Variants in AP4E1 observed in about 807,000 individuals in gnomAD.
AP4E1 encodes the protein AP-4 complex subunit epsilon-1.
A neutral mutation model predicts 128.2 loss-of-function variants in AP4E1; 56 were observed. That is an observed-to-expected ratio of 0.44 (90% CI 0.35 to 0.55). The LOEUF is 0.55. Ranked by LOEUF, AP4E1 falls within the 20% of genes least tolerant of loss-of-function variation. The pLI is 0.00. For missense variants in AP4E1, 1,324 were observed against 1,307.7 expected (o/e 1.01, Z -0.19); for synonymous variants, 484 against 473.1 (o/e 1.02, Z -0.30).
At chr15:50,987,842 T>C (rs1295578812) in intron 16 of AP4E1, among the ~76,000 whole-genome samples, 2 of 152,192 alleles carry the variant, frequency 1.3e-5, no homozygotes, top group Non-Finnish European at 2.9e-5. Flanking sequence ...GGTTTCTATT[T>C]ATTGCTCTTA....
At chr15:50,966,573 G>A (rs1364673471) in intron 14 of AP4E1, among the ~76,000 whole-genome samples, 1 of 88,520 alleles carries the variant, frequency 1.1e-5, no homozygotes, top group Non-Finnish European at 2.0e-5. Flanking sequence ...TTTCACTCTT[G>A]TCACCCAGGC....
chr15:50,952,555 C>G (rs2064166321), intron 13 of AP4E1, among the ~76,000 whole-genome samples: 1 of 151,982 alleles, frequency 6.6e-6, no homozygotes, highest in East Asian at 1.9e-4. Context: ...TTAATATCAC[C>G]TGCTATACTG....
chr15:50,915,768 G>A (rs2063623156), intron 3 of AP4E1, 197 bp downstream of exon 3: 1 of 633,668 alleles, frequency 1.6e-6, no homozygotes, highest in Non-Finnish European at 2.6e-6. Flanking sequence ...GCATTTTGGA[G>A]TTAAAGAGAA....
chr15:51,000,954 G>A, intron 19 of AP4E1, 72 bp from the exon 20 acceptor site: 1 of 1,142,008 alleles, frequency 8.8e-7, no homozygotes, highest in Non-Finnish European at 1.3e-6. Context: ...TTCTCATGAG[G>A]CATTTGAAAT....
intron 15 of AP4E1, among the ~76,000 whole-genome samples, chr15:50,977,079 A>C (rs570130071): frequency 4.5e-4 from 69 of 152,332 alleles, no homozygotes; most frequent in African/African-American, 1.7e-3. Flanking sequence ...GGGAAAAAGT[A>C]AACTTTTGAA....
intron 14 of AP4E1, among the ~76,000 whole-genome samples, 172 bp downstream of exon 14, chr15:50,958,966 CT>C (rs1269872587): frequency 1.3e-5 from 2 of 152,162 alleles, no homozygotes; most frequent in Admixed American, 6.5e-5. Flanking sequence ...GCTCCCAGCA[CT>C]TTGGGAGGCT....
chr15:50,907,640 C>A (rs1325081650), upstream of AP4E1, among the ~76,000 whole-genome samples: 1 of 152,104 alleles, frequency 6.6e-6, no homozygotes, highest in Non-Finnish European at 1.5e-5. Flanking sequence ...TTCTAGAAAA[C>A]ACAAGGATAC....
intron 15 of AP4E1, among the ~76,000 whole-genome samples, chr15:50,975,635 T>A (rs1303767211): frequency 1.3e-5 from 2 of 152,248 alleles, no homozygotes; most frequent in African/African-American, 4.8e-5. Flanking sequence ...CTGGGCTCTC[T>A]GTTCTGTCTC....
At chr15:50,908,650 C>A (rs1305103166), upstream of AP4E1, 4 of 1,185,136 alleles carry the variant, frequency 3.4e-6, no homozygotes, top group African/African-American at 6.6e-5. Context: ...TCAGGTGGGA[C>A]GCCAATAAAG....
Position 50,925,237 on chromosome 15 carries a change from G to A in AP4E1, c.542+18G>A. The A allele has an allele frequency of 6.2e-7, 1 of 1,608,856 alleles. No homozygotes were observed. Among genetic ancestry groups the A allele is most frequent in the East Asian group, 2.2e-5 (1 of 44,772 alleles). ...CATTCTAAGTAAGTAAATTCTTTTG[G>A]GATAGGCATCTATGCCATATATTTC... On this transcript the variant is annotated intron_variant, in intron 5 of 20. Transcript: ENST00000261842.
intron 14 of AP4E1, among the ~76,000 whole-genome samples, chr15:50,961,424 T>A (rs554514247): frequency 1.2e-3 from 179 of 151,998 alleles, no homozygotes; most frequent in Admixed American, 1.9e-3. Context: ...CAAGTGGAAT[T>A]TTCCCAGAAA....
intron 8 of AP4E1, among the ~76,000 whole-genome samples, chr15:50,937,150 A>G (rs2063918297): frequency 6.6e-6 from 1 of 152,200 alleles, no homozygotes; most frequent in African/African-American, 2.4e-5. Flanking sequence ...TTTGCTAGCA[A>G]TCCTGATATA....
At chr15:50,965,133 G>A (rs182895918) in intron 14 of AP4E1, among the ~76,000 whole-genome samples, 18 of 152,184 alleles carry the variant, frequency 1.2e-4, no homozygotes, top group Admixed American at 3.3e-4. Context: ...CTGCAGATCC[G>A]CGAGTCAATG....
At chr15:50,914,506 A>T (rs2063604198) in intron 2 of AP4E1, among the ~76,000 whole-genome samples, 1 of 151,910 alleles carries the variant, frequency 6.6e-6, no homozygotes. Context: ...CAAAAATTAG[A>T]TGGGCGTGGT....
intron 11 of AP4E1, 65 bp downstream of exon 11, chr15:50,948,224 G>A (rs2064090305): frequency 1.9e-6 from 3 of 1,579,552 alleles, no homozygotes; most frequent in African/African-American, 1.3e-5. Context: ...AAGATGATTG[G>A]TATAGATATG....
chr15:50,945,139 C>T (rs748101566), intron 10 of AP4E1: 19 of 827,234 alleles, frequency 2.3e-5, no homozygotes, highest in Non-Finnish European at 3.7e-5. Context: ...ACAGTGTATA[C>T]TGGGGTTTAT....
intron 1 of AP4E1, among the ~76,000 whole-genome samples, chr15:50,909,204 A>G (rs149992948): frequency 3.9e-5 from 6 of 152,172 alleles, no homozygotes; most frequent in African/African-American, 1.2e-4. Context: ...TGTTTTCTCA[A>G]CGTTGTGGTG....
At chr15:50,915,822 A>G in intron 3 of AP4E1, 1 of 472,708 alleles carries the variant, frequency 2.1e-6, no homozygotes. Flanking sequence ...AGATGACTAT[A>G]TATGTCAGAA....
chr15:50,922,810 C>CAT (rs1241674267), intron 3 of AP4E1, among the ~76,000 whole-genome samples: 2 of 150,392 alleles, frequency 1.3e-5, no homozygotes, highest in African/African-American at 4.9e-5. Context: ...CCGAGTCTTG[C>CAT]TCTGTCGTCT....
Sources: allele counts gnomAD v4.1 joint callset (sites outside exome capture counted in the v4.1 genomes callset), GRCh38; gene constraint gnomAD v4.1.1; transcripts MANE v1.5; gene names NCBI Gene and HGNC (gene_info 2026-07-23, HGNC 2026-07-21).